ITGAD: variants seen among roughly 807,000 people sequenced by gnomAD.
ITGAD encodes integrin alpha-D.
ITGAD carries 105 observed loss-of-function variants against 139.0 expected under a neutral mutation model. That is an observed-to-expected ratio of 0.76 (90% CI 0.65 to 0.89). The LOEUF (loss-of-function observed/expected upper bound fraction) is 0.89. ITGAD is among the 40% of genes least tolerant of loss of function. The pLI is 0.00. For synonymous variants in ITGAD, 569 were observed against 598.3 expected, an observed-to-expected ratio of 0.95 and a Z score of 0.71; for missense variants, 1,384 against 1,487.3, an observed-to-expected ratio of 0.93 and a Z score of 1.14.
rs2081788871 is a variant in ITGAD at position 31,413,329 on chromosome 16, G to A, written c.1996+83G>A. 4 of 1,434,464 alleles carry A rather than the reference G, an allele frequency of 2.8e-6. No homozygotes were observed. The Admixed American group carries it at 8.2e-5, about 29-fold the overall frequency. 88.9% of individuals were successfully genotyped at this position (1,434,464 alleles called of 1,614,324 possible). On this transcript the variant is annotated intron_variant, in intron 16 of 29. Coordinates refer to ENST00000389202, the MANE Select transcript of ITGAD (RefSeq NM_005353.3). ...CATCCTGAGGATGGGATGGGCCTAG[G>A]AATCCAATCTTACCTCCACATTCAC...
At position 31,416,623 on chromosome 16, in the gene ITGAD, C is replaced by T; in HGVS notation, c.2476C>T (p.His826Tyr). The change falls in exon 20 of 30, where the codon CAC (histidine) becomes TAC (tyrosine). Residue 826 changes from histidine (H) to tyrosine (Y), a missense_variant. Coordinates refer to ENST00000389202, the MANE Select transcript of ITGAD (RefSeq NM_005353.3). The stretch of plus-strand genomic sequence containing the variant: ...CCTCTACTATCCAGCAGGGCTGTCG[C>T]ACCGACGGGTGTCAGGAGCCCAGGT... ...VSLYYPAGLS[H>Y]RRVSGAQKQP... 6.2e-7 allele frequency: 1 copy of T among 1,611,080 alleles called. No individual in the cohort carries two copies. Among genetic ancestry groups the T allele is most frequent in the Non-Finnish European group, 8.5e-7 (1 of 1,177,582 alleles).
intron 20 of ITGAD, 104 bp downstream of exon 20, chr16:31,416,750 C>A: frequency 1.0e-6 from 1 of 970,566 alleles, no homozygotes; most frequent in Middle Eastern, 3.1e-4. Context: ...GATATGTGCT[C>A]TCTCTCTCTC....
intron 20 of ITGAD, 41 bp from the exon 21 acceptor site, chr16:31,418,034 T>C (rs1346634722): frequency 6.7e-7 from 1 of 1,498,648 alleles, no homozygotes; most frequent in East Asian, 2.3e-5. Context: ...AGCCCACACA[T>C]GCATGCGGGT....
In ITGAD at chr16:31,423,608, A is replaced by T. The variant is rs1348525440; in HGVS notation, c.3005A>T (p.His1002Leu). 1 of 1,614,138 alleles carries T rather than the reference A, an allele frequency of 6.2e-7. No homozygotes were observed. Among genetic ancestry groups the T allele is most frequent in the Admixed American group, 1.7e-5 (1 of 60,020 alleles). Reference sequence around the variant, plus strand: ...GTTTCAGAGAGAAAACCTCCCCAGCATTCTGACTTCCTGACCCAGATTTCA... The same window carrying T: ...GTTTCAGAGAGAAAACCTCCCCAGCTTTCTGACTTCCTGACCCAGATTTCA... Reference protein sequence around the residue: ...PCVSERKPPQHSDFLTQISRS... With the variant: ...PCVSERKPPQLSDFLTQISRS... Residue 1002 changes from histidine to leucine, a missense_variant, in exon 26 of 30, where the codon CAT becomes CTT. Transcript: ENST00000389202.
Position 31,393,360 on chromosome 16 carries a change from G to A in ITGAD, c.-1G>A. On this transcript the variant is annotated 5_prime_UTR_variant, in exon 1 of 30. Transcript: ENST00000389202. Reference sequence around the variant, plus strand: ...ACTTCCCCTCAACGCGCTGCTCAGGGATGACCTTCGGCACTGTGCTTCTTC... The same window carrying A: ...ACTTCCCCTCAACGCGCTGCTCAGGAATGACCTTCGGCACTGTGCTTCTTC... The A allele has an allele frequency of 1.2e-6, 2 of 1,614,138 alleles. No individual in the cohort carries two copies. Among genetic ancestry groups the A allele is most frequent in the Non-Finnish European group, 1.7e-6 (2 of 1,180,022 alleles).
intron 4 of ITGAD, 40 bp downstream of exon 4, chr16:31,397,706 C>CGGGGGGGGGGGGGGGGGGG (rs1597105855): frequency 6.7e-6 from 2 of 300,674 alleles, no homozygotes; most frequent in African/African-American, 6.4e-5. Context: ...TGGGGTGGGG[C>CGGGGGGGGGGGGGGGGGGG]GGGGGGTGTT....
chr16:31,407,747 G>C lies in ITGAD; in HGVS notation c.859-19G>C. The C allele has an allele frequency of 9.9e-6, 16 of 1,613,672 alleles. No homozygotes were observed. Among genetic ancestry groups the C allele is most frequent in the Non-Finnish European group, 1.4e-5 (16 of 1,179,668 alleles). ...CAGTGCTGCTGGGCTCATCCTCCTC[G>C]GCTGTCTCTCTGCTGCAGGTGGGAC... On this transcript the variant is annotated intron_variant, in intron 8 of 29. Coordinates refer to ENST00000389202, the MANE Select transcript of ITGAD (RefSeq NM_005353.3).
chr16:31,398,283 A>G (rs1219214124), intron 5 of ITGAD, among the ~76,000 whole-genome samples: 1 of 151,868 alleles, frequency 6.6e-6, no homozygotes, highest in South Asian at 2.1e-4. Flanking sequence ...ACAAAATAGC[A>G]GGATGTGGTG....
chr16:31,416,896 C>T (rs539451110), intron 20 of ITGAD, among the ~76,000 whole-genome samples: 1 of 151,972 alleles, frequency 6.6e-6, no homozygotes, highest in Admixed American at 6.6e-5. Flanking sequence ...GAACCCCCTC[C>T]CTGTTTACCT....
rs757445995 is a variant in ITGAD, at chr16:31,411,439, G to A, written c.1629G>A (p.Pro543=). 51 of 1,614,006 alleles carry A rather than the reference G, an allele frequency of 3.2e-5. No individual in the cohort carries two copies. The highest frequency in any genetic ancestry group is 6.7e-5 in the East Asian group (3 of 44,894). Residue 543 remains proline, a synonymous_variant, in exon 14 of 30, where the codon CCG becomes CCA. Coordinates refer to ENST00000389202, the MANE Select transcript of ITGAD (RefSeq NM_005353.3). The part of the protein sequence containing the change: ...DKLIDVAIGA[P]GEQENRGAVY... ...TGATAGACGTGGCCATTGGGGCCCC[G>A]GGAGAGCAGGAGAACCGGGGTGCTG...
intron 2 of ITGAD, among the ~76,000 whole-genome samples, chr16:31,395,315 G>A (rs750931672): frequency 2.6e-5 from 4 of 150,988 alleles, no homozygotes; most frequent in Non-Finnish European, 4.4e-5. Flanking sequence ...GTGAGACTCC[G>A]TCAAAAAAAA....
intron 5 of ITGAD, among the ~76,000 whole-genome samples, chr16:31,400,885 C>G (rs550526201): frequency 3.3e-5 from 5 of 152,292 alleles, no homozygotes; most frequent in African/African-American, 1.2e-4. Context: ...GGATTACAGG[C>G]GTGAGCCACC....
intron 14 of ITGAD, 67 bp downstream of exon 14, chr16:31,411,584 C>T: frequency 6.9e-7 from 1 of 1,451,804 alleles, no homozygotes. Context: ...CTGAACGCAG[C>T]CTCCTGTCTC....
At chr16:31,416,391 C>T (rs2081886841) in intron 19 of ITGAD, 105 bp downstream of exon 19, 2 of 1,507,824 alleles carry the variant, frequency 1.3e-6, no homozygotes, top group Non-Finnish European at 1.8e-6. Context: ...AAGTGATGTT[C>T]ACTGGATTGT....
rs188354919 is a variant in ITGAD at position 31,412,519 on chromosome 16, G to A, written c.1708-319G>A. 2.6e-4 allele frequency among the ~76,000 whole-genome samples: 39 copies of A among 152,044 alleles called. No individual in the cohort carries two copies. The South Asian group carries it at 3.7e-3, about 15-fold the overall frequency. On this transcript the variant is annotated intron_variant, in intron 14 of 29. Coordinates refer to ENST00000389202, the MANE Select transcript of ITGAD (RefSeq NM_005353.3). ...CGGGTTGCTGGAAAGATGAGCAAAC[G>A]GAGGGACAGACAGATTGAGTCCTTG...
chr16:31,410,319 G>C, intron 10 of ITGAD, 76 bp from the exon 11 acceptor site: 1 of 1,590,224 alleles, frequency 6.3e-7, no homozygotes, highest in Non-Finnish European at 8.6e-7. Flanking sequence ...GAGTGATGCG[G>C]GTGGCAGGCG....
chr16:31,408,560 T>A (rs2081598843), intron 10 of ITGAD, 62 bp downstream of exon 10: 1 of 1,465,726 alleles, frequency 6.8e-7, no homozygotes, highest in African/African-American at 1.4e-5. Flanking sequence ...CACCCTGGGC[T>A]GGGGGCTGGG....
At chr16:31,406,735 A>G (rs910760934) in intron 7 of ITGAD, among the ~76,000 whole-genome samples, 3 of 152,172 alleles carry the variant, frequency 2.0e-5, no homozygotes, top group Non-Finnish European at 4.4e-5. Context: ...TCTGAGACCT[A>G]TAACTGGCAT....
rs1334102126 is a variant in ITGAD at position 31,424,578 on chromosome 16, G to T, written c.3372+1G>T. On this transcript the variant is annotated splice_donor_variant, in intron 29 of 29. Coordinates refer to ENST00000389202, the MANE Select transcript of ITGAD (RefSeq NM_005353.3). LOFTEE classifies it high-confidence loss of function. Reference sequence around the variant, plus strand: ...GCTCATCACAGCCACACTGTACAAGGCAAGTGTTTTATCCAACTCTTTTTT... The same window carrying T: ...GCTCATCACAGCCACACTGTACAAGTCAAGTGTTTTATCCAACTCTTTTTT... The T allele has an allele frequency of 1.3e-6, 2 of 1,571,488 alleles. No individual in the cohort carries two copies. The highest frequency in any genetic ancestry group is 1.7e-6 in the Non-Finnish European group (2 of 1,159,704).
Sources: allele counts gnomAD v4.1 joint callset (sites outside exome capture counted in the v4.1 genomes callset), GRCh38; gene constraint gnomAD v4.1.1; transcripts MANE v1.5; gene names NCBI Gene and HGNC (gene_info 2026-07-23, HGNC 2026-07-21).